The following DZANK1 variants were observed in gnomAD, a reference collection of about 807,000 sequenced individuals.
The protein encoded by DZANK1 is double zinc ribbon and ankyrin repeat-containing protein 1.
In DZANK1, 91 loss-of-function variants were observed where a neutral mutation model predicts 94.5. The observed-to-expected ratio is 0.96, with a 90% confidence interval of 0.81 to 1.15. DZANK1 has a LOEUF of 1.15. DZANK1 is among the 50% of genes most tolerant of loss of function. The pLI, the probability that DZANK1 is intolerant of heterozygous loss-of-function variation, is 0.00. For missense variants in DZANK1, 903 were observed against 916.4 expected (o/e 0.99, Z 0.19); for synonymous variants, 312 against 325.3 (o/e 0.96, Z 0.44).
intron 8 of DZANK1, among the ~76,000 whole-genome samples, chr20:18,438,220 A>C (rs1371686977): frequency 8.5e-6 from 1 of 117,518 alleles, no homozygotes; most frequent in Non-Finnish European, 2.0e-5. Context: ...CTCTGTCTCA[A>C]AAAAAAAAAA....
chr20:18,438,050 CT>C (rs2058590791), intron 8 of DZANK1, among the ~76,000 whole-genome samples: 1 of 151,524 alleles, frequency 6.6e-6, no homozygotes, highest in East Asian at 1.9e-4. Flanking sequence ...AACCCCGTCT[CT>C]ACTAAAAATA....
chr20:18,440,611 T>A (rs1216364648), intron 8 of DZANK1, among the ~76,000 whole-genome samples: 1 of 152,040 alleles, frequency 6.6e-6, no homozygotes, highest in African/African-American at 2.4e-5. Context: ...TTGTGATGGG[T>A]TTAAACCACC....
intron 13 of DZANK1, among the ~76,000 whole-genome samples, chr20:18,402,628 T>C (rs1252051617): frequency 6.6e-6 from 1 of 152,114 alleles, no homozygotes; most frequent in Non-Finnish European, 1.5e-5. Flanking sequence ...AACAGCACAC[T>C]TGAATCTCTC....
intron 10 of DZANK1, among the ~76,000 whole-genome samples, chr20:18,425,696 T>C (rs559547744): frequency 6.6e-6 from 1 of 152,286 alleles, no homozygotes; most frequent in South Asian, 2.1e-4. Context: ...GGTAATCAAG[T>C]TAAAATGTGG....
chr20:18,394,893 G>A (rs1337545678), intron 15 of DZANK1: 1 of 456,506 alleles, frequency 2.2e-6, no homozygotes, highest in African/African-American at 2.0e-5. Context: ...TACCTCAATG[G>A]CATGTCGTGA....
chr20:18,465,256 T>A lies in DZANK1; in HGVS notation c.103A>T (p.Lys35Ter). ...AAACATATGTGATTCTTACCTGATT[T>A]CATTTCCAAAAGCGTATTGTTATCA... Residue 35 changes from lysine to a stop codon, truncating the protein, a stop_gained, in exon 2 of 21, where the codon AAA (lysine) becomes TAA (stop). Coordinates refer to ENST00000262547, the Ensembl canonical transcript of DZANK1. LOFTEE classifies it high-confidence loss of function. 6.3e-7 allele frequency: 1 copy of A among 1,581,650 alleles called. No homozygotes were observed. The highest frequency in any genetic ancestry group is 1.7e-4 in the Middle Eastern group (1 of 5,996).
At chr20:18,393,675 A>C (rs1384650072) in intron 17 of DZANK1, 36 bp downstream of exon 17, 3 of 1,347,810 alleles carry the variant, frequency 2.2e-6, no homozygotes, top group Non-Finnish European at 2.1e-6. Context: ...CACAGGCTGA[A>C]GACAACATCC....
intron 14 of DZANK1, among the ~76,000 whole-genome samples, chr20:18,397,027 T>C (rs2056381755): frequency 6.6e-6 from 1 of 152,156 alleles, no homozygotes; most frequent in Non-Finnish European, 1.5e-5. Context: ...TCATGAAGGG[T>C]CAGATAGTAA....
chr20:18,412,716 G>C (rs761524785), exon 13 of DZANK1: 1 of 1,613,628 alleles, frequency 6.2e-7, no homozygotes. Flanking sequence ...GCTTTTGAGA[G>C]GCTAGTTCCT....
In DZANK1 at chr20:18,385,106, A is replaced by T. The variant is rs773873976; in HGVS notation, c.2019-16T>A. 5 of 1,551,488 alleles carry T rather than the reference A, an allele frequency of 3.2e-6. No individual in the cohort carries two copies. Among genetic ancestry groups the T allele is most frequent in the African/African-American group, 1.4e-5 (1 of 73,034 alleles). On this transcript the variant is annotated splice_polypyrimidine_tract_variant and intron_variant, in intron 19 of 20. Transcript: ENST00000262547. ...ATTTCTGAGCCTAATGAGGGGGGAA[A>T]AATCCTGGATAAATCCTTAGTTAGC...
intron 20 of DZANK1, 91 bp from the exon 21 acceptor site, chr20:18,384,655 T>TGGGACCAGGAG: frequency 7.2e-7 from 1 of 1,394,984 alleles, no homozygotes; most frequent in Non-Finnish European, 9.5e-7. Context: ...GAGGCCAGGC[T>TGGGACCAGGAG]GGGCCCCTCC....
chr20:18,395,382 C>A (rs1369075516), intron 15 of DZANK1, among the ~76,000 whole-genome samples: 1 of 152,048 alleles, frequency 6.6e-6, no homozygotes, highest in Non-Finnish European at 1.5e-5. Context: ...AAAACAAAAC[C>A]AAACCAAAAC....
At chr20:18,415,839 T>C (rs897378449) in intron 10 of DZANK1, among the ~76,000 whole-genome samples, 1 of 152,194 alleles carries the variant, frequency 6.6e-6, no homozygotes, top group East Asian at 1.9e-4. Flanking sequence ...TCCTTTGGAG[T>C]TTTGGTTTCC....
At chr20:18,449,008 A>T (rs562797811) in exon 7 of DZANK1, 1 of 1,613,906 alleles carries the variant, frequency 6.2e-7, no homozygotes, top group African/African-American at 1.3e-5. Flanking sequence ...CTCCCTTTGA[A>T]TTCTCATTAT....
rs1409235847 is a variant in DZANK1 at position 18,398,581 on chromosome 20, C to CACCTGAG, written c.1471_1477dup (p.Cys493SerfsTer10). On this transcript the variant is annotated frameshift_variant, in exon 14 of 21. Transcript: ENST00000262547. LOFTEE classifies it high-confidence loss of function. ...GAATTCAGGGTTGTTCTGAGCATAA[C>CACCTGAG]ACCTGAGGTGAGCAGAGATGTGATC... 1 of 1,614,008 alleles carries CACCTGAG rather than the reference C, an allele frequency of 6.2e-7. No individual in the cohort carries two copies. Among genetic ancestry groups the CACCTGAG allele is most frequent in the East Asian group, 2.2e-5 (1 of 44,878 alleles).
chr20:18,405,059 G>A lies in DZANK1; in HGVS notation c.1433-6433C>T, dbSNP rs2056890748. Reference sequence around the variant, plus strand: ...AATTTTTTTTTAATTAGCCAAGCATGATGGTGTGCACCTTTAGTCCCAGTT... The same window carrying A: ...AATTTTTTTTTAATTAGCCAAGCATAATGGTGTGCACCTTTAGTCCCAGTT... On this transcript the variant is annotated intron_variant, in intron 13 of 20. Coordinates refer to ENST00000262547, the Ensembl canonical transcript of DZANK1. 2.0e-5 allele frequency among the ~76,000 whole-genome samples: 3 copies of A among 152,048 alleles called. No individual in the cohort carries two copies. The South Asian group carries it at 6.2e-4, about 31-fold the overall frequency.
chr20:18,465,621 AAAAG>A (rs1286019723), intron 1 of DZANK1, among the ~76,000 whole-genome samples: 5 of 152,172 alleles, frequency 3.3e-5, no homozygotes, highest in Non-Finnish European at 5.9e-5. Flanking sequence ...TGAGATGGGG[AAAAG>A]AAAGAAGTTA....
chr20:18,428,532 A>G (rs1239779458), intron 9 of DZANK1: 1 of 152,180 alleles, frequency 6.6e-6, no homozygotes, highest in Admixed American at 6.5e-5. Context: ...ACACTGCAAT[A>G]CAGAGAAAAA....
intron 19 of DZANK1, among the ~76,000 whole-genome samples, chr20:18,387,441 A>G (rs1341478934): frequency 6.6e-6 from 1 of 152,246 alleles, no homozygotes; most frequent in African/African-American, 2.4e-5. Flanking sequence ...ATTAATGTAC[A>G]TTCTCTCCTT....
Sources: allele counts gnomAD v4.1 joint callset (sites outside exome capture counted in the v4.1 genomes callset), GRCh38; gene constraint gnomAD v4.1.1; transcripts MANE v1.5; gene names NCBI Gene and HGNC (gene_info 2026-07-23, HGNC 2026-07-21).